TBC1D5: variants seen among roughly 807,000 people sequenced by gnomAD.
TBC1D5 encodes TBC1 domain family, member 5.
In TBC1D5, 75 loss-of-function variants were observed where a neutral mutation model predicts 100.3. The observed-to-expected ratio is 0.75, with a 90% CI of 0.62 to 0.91. TBC1D5 has a LOEUF of 0.91. Ranked by LOEUF, TBC1D5 falls within the 40% of genes least tolerant of loss-of-function variation. The probability of loss-of-function intolerance (pLI) is 0.00; values close to 1 mark genes in which losing one functional copy is unlikely to be tolerated. For synonymous variants in TBC1D5, 323 were observed against 325.6 expected (o/e 0.99, Z 0.09); for missense variants, 910 against 942.4 (o/e 0.97, Z 0.45).
At chr3:17,638,107 T>C (rs2064129618) in intron 1 of TBC1D5, among the ~76,000 whole-genome samples, 1 of 152,174 alleles carries the variant, frequency 6.6e-6, no homozygotes, top group African/African-American at 2.4e-5. Flanking sequence ...TTTTTAATAC[T>C]ATTGACATGT....
intron 1 of TBC1D5, among the ~76,000 whole-genome samples, chr3:17,657,351 C>A (rs1257517822): frequency 8.7e-5 from 7 of 80,348 alleles, no homozygotes; most frequent in African/African-American, 3.3e-4. Context: ...TTTTTTTTTG[C>A]GGGGGGACAG....
chr3:17,214,013 T>TC (rs11398698), intron 18 of TBC1D5, among the ~76,000 whole-genome samples, 194 bp downstream of exon 19: 11 of 150,938 alleles, frequency 7.3e-5, no homozygotes, highest in Non-Finnish European at 1.5e-4. Flanking sequence ...TTTTTTTTTT[T>TC]CCAGTGTAAT....
At chr3:17,383,675 A>G (rs1048811945) in intron 9 of TBC1D5, among the ~76,000 whole-genome samples, 1 of 152,118 alleles carries the variant, frequency 6.6e-6, no homozygotes, top group Non-Finnish European at 1.5e-5. Context: ...AAGTTGAAAG[A>G]AAAGATTGAA....
chr3:17,169,158 T>G (rs1266752250), intron 19 of TBC1D5, among the ~76,000 whole-genome samples: 2 of 152,228 alleles, frequency 1.3e-5, no homozygotes, highest in South Asian at 2.1e-4. Context: ...TATCATTGTT[T>G]GATGCATGTA....
intron 3 of TBC1D5, among the ~76,000 whole-genome samples, chr3:17,444,745 TC>T (rs1272825730): frequency 6.6e-6 from 1 of 152,134 alleles, no homozygotes; most frequent in Non-Finnish European, 1.5e-5. Flanking sequence ...ACATAATTCT[TC>T]CATTGTTAGT....
chr3:17,305,792 C>T (rs2083335371), intron 14 of TBC1D5, among the ~76,000 whole-genome samples: 1 of 152,160 alleles, frequency 6.6e-6, no homozygotes, highest in Non-Finnish European at 1.5e-5. Flanking sequence ...AATCTTGCTA[C>T]CTTTACCTCT....
chr3:17,510,651 CAAAT>C (rs533018481), intron 2 of TBC1D5, among the ~76,000 whole-genome samples: 108 of 151,942 alleles, frequency 7.1e-4, no homozygotes, highest in Non-Finnish European at 1.3e-3. Context: ...TTCTGTTGGA[CAAAT>C]AAATAAATTC....
intron 2 of TBC1D5, among the ~76,000 whole-genome samples, chr3:17,591,272 A>AAAC (rs2096769889): frequency 1.0e-4 from 15 of 143,832 alleles, no homozygotes; most frequent in African/African-American, 2.9e-4. Flanking sequence ...AAAAACAAAA[A>AAAC]CCCCAGAGAA....
At chr3:17,623,218 G>A (rs1277329771) in intron 2 of TBC1D5, among the ~76,000 whole-genome samples, 1 of 152,156 alleles carries the variant, frequency 6.6e-6, no homozygotes, top group African/African-American at 2.4e-5. Context: ...GACTTAGTAG[G>A]TATGGGGTTA....
intron 3 of TBC1D5, among the ~76,000 whole-genome samples, chr3:17,446,805 A>G (rs1202824874): frequency 6.6e-6 from 1 of 152,202 alleles, no homozygotes; most frequent in Non-Finnish European, 1.5e-5. Flanking sequence ...CCCCGTCTCT[A>G]GTGAAAATAC....
At chr3:17,668,040 A>G (rs2067478007) in intron 1 of TBC1D5, among the ~76,000 whole-genome samples, 1 of 151,388 alleles carries the variant, frequency 6.6e-6, no homozygotes, top group Non-Finnish European at 1.5e-5. Context: ...ATTAAAAGTA[A>G]CAACATTCTA....
chr3:17,636,460 A>G (rs1216641174), intron 1 of TBC1D5, among the ~76,000 whole-genome samples: 1 of 152,080 alleles, frequency 6.6e-6, no homozygotes, highest in African/African-American at 2.4e-5. Flanking sequence ...AAATTAGTCA[A>G]CCAGTTATTA....
intron 16 of TBC1D5, among the ~76,000 whole-genome samples, chr3:17,248,404 A>G (rs1260260980): frequency 1.3e-5 from 2 of 152,222 alleles, no homozygotes; most frequent in Non-Finnish European, 2.9e-5. Context: ...CCCATGAATC[A>G]TGAATGTTCT....
intron 3 of TBC1D5, among the ~76,000 whole-genome samples, chr3:17,507,641 T>C (rs2095857773): frequency 1.3e-5 from 2 of 152,210 alleles, no homozygotes; most frequent in Non-Finnish European, 2.9e-5. Flanking sequence ...TAATTTTCCT[T>C]TTTATAACAG....
chr3:17,280,318 T>C (rs2080441815), intron 15 of TBC1D5, among the ~76,000 whole-genome samples: 1 of 152,170 alleles, frequency 6.6e-6, no homozygotes, highest in Non-Finnish European at 1.5e-5. Flanking sequence ...TGGGAAATTC[T>C]GGACAGAAGA....
chr3:17,238,162 C>T lies in TBC1D5; in HGVS notation c.1588+1G>A, dbSNP rs753125964. The T allele has an allele frequency of 1.9e-6, 3 of 1,611,162 alleles. No homozygotes were observed. The highest frequency in any genetic ancestry group is 2.2e-5 in the East Asian group (1 of 44,832). On this transcript the variant is annotated splice_donor_variant, in intron 17 of 21. Coordinates refer to ENST00000253692, the Ensembl canonical transcript of TBC1D5. LOFTEE classifies it high-confidence loss of function. The stretch of plus-strand genomic sequence containing the variant: ...TTAGATTTACTAGTATTTTTTCCTA[C>T]CTTTGTTCAATTGCACAGGCATGCT...
chr3:17,284,939 A>G (rs1234597613), intron 15 of TBC1D5, among the ~76,000 whole-genome samples: 1 of 152,184 alleles, frequency 6.6e-6, no homozygotes, highest in Non-Finnish European at 1.5e-5. Flanking sequence ...GAAAAAGGAA[A>G]TATTAGTCAC....
chr3:17,466,705 C>T (rs929628747), intron 3 of TBC1D5, among the ~76,000 whole-genome samples: 1 of 152,006 alleles, frequency 6.6e-6, no homozygotes, highest in African/African-American at 2.4e-5. Context: ...CTAGACAAGA[C>T]ATTCCTATAA....
chr3:17,437,373 C>G (rs1177562383), intron 3 of TBC1D5, among the ~76,000 whole-genome samples: 1 of 152,124 alleles, frequency 6.6e-6, no homozygotes, highest in African/African-American at 2.4e-5. Context: ...TCCAGGTACT[C>G]TATGGATATA....
Sources: gnomAD v4.1 joint callset for allele counts (sites outside exome capture counted in the v4.1 genomes callset) on GRCh38, gnomAD v4.1.1 for gene constraint, MANE v1.5 for transcripts, NCBI Gene and HGNC (gene_info 2026-07-23, HGNC 2026-07-21) for gene names.